The following KIF25 variants were observed in gnomAD, a reference collection of about 807,000 sequenced individuals.
KIF25 encodes kinesin family member 25, also known as kinesin-like protein KIF25.
KIF25 carries 19 observed loss-of-function variants against 32.9 expected under a neutral mutation model. The ratio of observed to expected loss-of-function variants is 0.58; its 90% confidence interval spans 0.40 to 0.85. The LOEUF (loss-of-function observed/expected upper bound fraction) is 0.85. Ranked by LOEUF, KIF25 falls within the 40% of genes least tolerant of loss-of-function variation. The pLI is 0.00. For synonymous variants in KIF25, 225 were observed against 213.7 expected (o/e 1.05, Z -0.46); for missense variants, 485 against 507.0 (o/e 0.96, Z 0.42).
intron 5 of KIF25, among the ~76,000 whole-genome samples, chr6:168,023,876 C>G (rs1798822113): frequency 6.6e-6 from 1 of 152,216 alleles, no homozygotes; most frequent in Non-Finnish European, 1.5e-5. Flanking sequence ...ATGTGTTTTA[C>G]TACTCAAGGA....
chr6:168,038,848 G>T, intron 9 of KIF25, 119 bp downstream of exon 9: 1 of 1,016,638 alleles, frequency 9.8e-7, no homozygotes, highest in East Asian at 2.6e-5. Flanking sequence ...GGATCCCAAG[G>T]AGAATCGGCC....
intron 4 of KIF25, among the ~76,000 whole-genome samples, chr6:168,004,758 C>T (rs1304907528): frequency 2.0e-5 from 3 of 151,834 alleles, no homozygotes; most frequent in Non-Finnish European, 2.9e-5. Context: ...ATCTTCACGA[C>T]GAGGGTTCAG....
At chr6:168,038,855 G>A (rs1412287645) in intron 9 of KIF25, 126 bp downstream of exon 9, 29 of 887,854 alleles carry the variant, frequency 3.3e-5, no homozygotes, top group Middle Eastern at 3.6e-4. Flanking sequence ...AAGGAGAATC[G>A]GCCGTGGTGG....
chr6:168,038,360 C>T (rs1188579715), intron 8 of KIF25, among the ~76,000 whole-genome samples, 193 bp from the exon 9 acceptor site: 9 of 152,170 alleles, frequency 5.9e-5, no homozygotes, highest in African/African-American at 1.7e-4. Context: ...TCCCAAGACA[C>T]GTATTCACCC....
chr6:168,029,646 G>A lies in KIF25; in HGVS notation c.61G>A (p.Val21Ile), dbSNP rs534158365. ...GCAGGCCAGGCCTGGGTCTGGAGCC[G>A]TCCTGGCCTTCCCAGATGACAAGGA... ...EKQARPGSGA[V>I]LAFPDDKDLR... Residue 21 changes from valine to isoleucine, a missense_variant, in exon 6 of 13, where the codon GTC (valine) becomes ATC (isoleucine). By Grantham distance (29) the Val-to-Ile change is conservative. This residue lies in a region of KIF25 where 5 missense variants were observed against 36.7 expected (regional missense o/e 0.14). Coordinates refer to ENST00000643607, the MANE Select transcript of KIF25 (RefSeq NM_030615.4). 1.3e-6 allele frequency: 2 copies of A among 1,598,388 alleles called. No homozygotes were observed. The highest frequency in any genetic ancestry group is 1.8e-4 in the Middle Eastern group (1 of 5,512).
intron 8 of KIF25, among the ~76,000 whole-genome samples, chr6:168,037,119 T>C (rs538617779): frequency 6.6e-6 from 1 of 152,382 alleles, no homozygotes; most frequent in African/African-American, 2.4e-5. Context: ...GCTAACTTCA[T>C]GTTTCACTGT....
intron 8 of KIF25, chr6:168,035,676 C>T (rs889229948): frequency 2.2e-6 from 1 of 455,348 alleles, no homozygotes; most frequent in Non-Finnish European, 4.4e-6. Context: ...TTTCAGTCGC[C>T]TCGTTTCTAA....
intron 12 of KIF25, 93 bp from the exon 13 acceptor site, chr6:168,044,734 C>T (rs1207015245): frequency 8.3e-6 from 11 of 1,320,950 alleles, no homozygotes; most frequent in Non-Finnish European, 1.1e-5. Flanking sequence ...GCCCTCTCTG[C>T]AGCCGCCCAT....
intron 9 of KIF25, 118 bp from the exon 10 acceptor site, chr6:168,039,947 A>AC (rs1347826438): frequency 7.9e-7 from 1 of 1,267,208 alleles, no homozygotes; most frequent in African/African-American, 1.5e-5. Flanking sequence ...TGGCTTCAGT[A>AC]CCCCACTGGC....
chr6:168,030,128 G>A (rs1333626715), intron 6 of KIF25, among the ~76,000 whole-genome samples: 1 of 152,138 alleles, frequency 6.6e-6, no homozygotes, highest in Non-Finnish European at 1.5e-5. Flanking sequence ...TGCAGGAAAC[G>A]GCATTTTTTG....
chr6:168,008,329 C>A (rs1798604707), intron 4 of KIF25, among the ~76,000 whole-genome samples: 1 of 152,104 alleles, frequency 6.6e-6, no homozygotes. Flanking sequence ...ATTGAAGAGA[C>A]CATCCTTTCC....
Position 167,999,089 on chromosome 6 carries a change from C to A in KIF25, c.-598-3C>A, listed in dbSNP as rs1798461095. 1 of 152,262 alleles carries A rather than the reference C, an allele frequency of 6.6e-6. No individual in the cohort carries two copies. Among genetic ancestry groups the A allele is most frequent in the Non-Finnish European group, 1.5e-5 (1 of 68,084 alleles). 9.4% of individuals were successfully genotyped at this position (152,262 alleles called of 1,614,324 possible). A position where few individuals can be genotyped will look rare whatever the true frequency, so the allele number is the denominator to read the frequency against. ...AATAAAATAACTGTTCACTACCCTG[C>A]AGGGGTCTTTCGAAGTGGAGACAGG... On this transcript the variant is annotated splice_polypyrimidine_tract_variant and splice_region_variant and intron_variant, in intron 1 of 12. Transcript: ENST00000643607.
intron 5 of KIF25, among the ~76,000 whole-genome samples, chr6:168,022,299 T>C (rs568974822): frequency 6.6e-6 from 1 of 152,348 alleles, no homozygotes; most frequent in Admixed American, 6.5e-5. Flanking sequence ...ATGGGTAAAC[T>C]TCCATTTAAC....
At position 168,042,625 on chromosome 6, in the gene KIF25, C is replaced by G; in HGVS notation, c.894C>G (p.Ala298=). The G allele has an allele frequency of 6.2e-7, 1 of 1,613,944 alleles. No homozygotes were observed. Among genetic ancestry groups the G allele is most frequent in the Non-Finnish European group, 8.5e-7 (1 of 1,180,008 alleles). Residue 298 remains alanine (A), a synonymous_variant, in exon 12 of 13, where the codon GCC becomes GCG. Coordinates refer to ENST00000643607, the MANE Select transcript of KIF25 (RefSeq NM_030615.4). Reference sequence around the variant, plus strand: ...CGTGCATCAGCCGCAGCCTTGCGGCCCTGGCAGGCGTCCTGGGGGCTTTGT... The same window carrying G: ...CGTGCATCAGCCGCAGCCTTGCGGCGCTGGCAGGCGTCCTGGGGGCTTTGT... The part of the protein sequence containing the change: ...EMACISRSLA[A]LAGVLGALLE...
intron 7 of KIF25, among the ~76,000 whole-genome samples, chr6:168,031,253 G>T (rs545356985): frequency 1.1e-4 from 16 of 152,362 alleles, no homozygotes; most frequent in African/African-American, 3.8e-4. Flanking sequence ...TATTCTTGCA[G>T]TATACAACTA....
At chr6:168,038,879 C>T (rs887184199) in intron 9 of KIF25, 150 bp downstream of exon 9, 4 of 685,730 alleles carry the variant, frequency 5.8e-6, no homozygotes, top group Non-Finnish European at 7.3e-6. Flanking sequence ...GATCAGTGCT[C>T]CTTGTCACTG....
chr6:168,037,550 C>G (rs1191878238), intron 8 of KIF25, among the ~76,000 whole-genome samples: 1 of 152,036 alleles, frequency 6.6e-6, no homozygotes, highest in East Asian at 1.9e-4. Context: ...GGAGTTTTGT[C>G]AGAGACAAAC....
At chr6:168,006,489 G>A (rs747328691) in intron 4 of KIF25, among the ~76,000 whole-genome samples, 3 of 152,160 alleles carry the variant, frequency 2.0e-5, no homozygotes, top group Admixed American at 6.5e-5. Context: ...AAGACTGGCC[G>A]GATATTCCAC....
chr6:168,023,060 G>A (rs769029476), intron 5 of KIF25, among the ~76,000 whole-genome samples: 2 of 152,066 alleles, frequency 1.3e-5, no homozygotes, highest in African/African-American at 4.8e-5. Context: ...TCAGGGACTA[G>A]GCCTATCTTT....
Sources: allele counts gnomAD v4.1 joint callset (sites outside exome capture counted in the v4.1 genomes callset), GRCh38; gene constraint gnomAD v4.1.1; regional missense constraint gnomAD v4.1.1; transcripts MANE v1.5; gene names NCBI Gene and HGNC (gene_info 2026-07-23, HGNC 2026-07-21).